CSRNP3: variants seen among roughly 807,000 people sequenced by gnomAD.
CSRNP3 encodes the protein cysteine and serine rich nuclear protein 3.
Under a neutral mutation model 48.0 loss-of-function variants are expected in CSRNP3, and 12 were observed. The observed-to-expected ratio is 0.25, with a 90% CI of 0.16 to 0.41. The LOEUF (loss-of-function observed/expected upper bound fraction) is 0.41. Ranked by LOEUF, CSRNP3 falls within the 10% of genes least tolerant of loss-of-function variation. CSRNP3 has a pLI of 1.00. For missense variants in CSRNP3, 580 were observed against 724.4 expected (o/e 0.80, Z 2.29); for synonymous variants, 263 against 269.7 (o/e 0.98, Z 0.24).
At chr2:165,569,954 G>A (rs1685346687) in intron 3 of CSRNP3, among the ~76,000 whole-genome samples, 1 of 151,476 alleles carries the variant, frequency 6.6e-6, no homozygotes. Context: ...GTTTGTCTGT[G>A]TTGTTAGAAT....
At chr2:165,568,127 A>C (rs1464443147) in intron 3 of CSRNP3, among the ~76,000 whole-genome samples, 1 of 151,654 alleles carries the variant, frequency 6.6e-6, no homozygotes, top group Non-Finnish European at 1.5e-5. Context: ...TTCCTCTCTC[A>C]CCGCCTTTAT....
Position 165,503,371 on chromosome 2 carries a change from T to G in CSRNP3, c.-113+8443T>G, listed in dbSNP as rs73027959. 3.9e-3 allele frequency among the ~76,000 whole-genome samples: 590 copies of G among 152,030 alleles called. 2 individuals are homozygous for G. The highest frequency in any genetic ancestry group is 0.013 in the African/African-American group (556 of 41,546). On this transcript the variant is annotated intron_variant, in intron 2 of 6. Transcript: ENST00000651982. The stretch of plus-strand genomic sequence containing the variant: ...TCTGTTCCTATGCTAAATTATCACA[T>G]ATAGTGTGATCATTGTTTGTGGTTT...
intron 2 of CSRNP3, among the ~76,000 whole-genome samples, chr2:165,499,204 T>G (rs1684325167): frequency 6.6e-6 from 1 of 152,148 alleles, no homozygotes; most frequent in South Asian, 2.1e-4. Context: ...TAGCTTTGGT[T>G]TGAATACCAG....
At chr2:165,591,265 G>A (rs1310352383) in intron 3 of CSRNP3, among the ~76,000 whole-genome samples, 2 of 152,324 alleles carry the variant, frequency 1.3e-5, no homozygotes, top group East Asian at 3.9e-4. Flanking sequence ...GTGGAACTTT[G>A]AACTTGAGAG....
chr2:165,590,197 T>C (rs1395880337), intron 3 of CSRNP3, among the ~76,000 whole-genome samples: 1 of 152,186 alleles, frequency 6.6e-6, no homozygotes, highest in East Asian at 1.9e-4. Flanking sequence ...AAAATCAGAG[T>C]AGAAATAGAG....
At chr2:165,668,082 T>C (rs769568656) in intron 5 of CSRNP3, among the ~76,000 whole-genome samples, 1 of 152,222 alleles carries the variant, frequency 6.6e-6, no homozygotes. Context: ...ATGCTCACAG[T>C]ATGATAGGGG....
intron 1 of CSRNP3, among the ~76,000 whole-genome samples, chr2:165,489,218 A>G (rs1285979204): frequency 2.6e-5 from 4 of 151,748 alleles, no homozygotes; most frequent in Admixed American, 2.6e-4. Context: ...ACATTCCTCA[A>G]CACATACACC....
chr2:165,672,320 A>G (rs537191048), intron 5 of CSRNP3, among the ~76,000 whole-genome samples: 19 of 152,324 alleles, frequency 1.2e-4, no homozygotes, highest in African/African-American at 4.3e-4. Context: ...TGGGTAATTT[A>G]TAAAGAAAAA....
At chr2:165,587,697 C>T (rs1173561859) in intron 3 of CSRNP3, among the ~76,000 whole-genome samples, 2 of 152,138 alleles carry the variant, frequency 1.3e-5, no homozygotes, top group African/African-American at 4.8e-5. Flanking sequence ...TGAACTAGTC[C>T]AGTGTTTTCC....
chr2:165,665,989 A>AGG (rs149578401), intron 5 of CSRNP3, among the ~76,000 whole-genome samples: 1 of 116,504 alleles, frequency 8.6e-6, no homozygotes, highest in African/African-American at 3.5e-5. Context: ...AGAAAGAGAG[A>AGG]AAGGAAGGAA....
At chr2:165,510,012 G>T (rs533270631) in intron 2 of CSRNP3, among the ~76,000 whole-genome samples, 1 of 152,158 alleles carries the variant, frequency 6.6e-6, no homozygotes, top group African/African-American at 2.4e-5. Context: ...TTCGGGTAAG[G>T]GTTTTTGGGA....
intron 3 of CSRNP3, among the ~76,000 whole-genome samples, chr2:165,548,107 T>C (rs917059426): frequency 1.3e-5 from 2 of 152,108 alleles, no homozygotes; most frequent in African/African-American, 4.8e-5. Context: ...AACTAATTTG[T>C]GGTTTGCTAA....
intron 2 of CSRNP3, among the ~76,000 whole-genome samples, chr2:165,499,031 T>A (rs372028788): frequency 5.3e-5 from 8 of 152,198 alleles, no homozygotes; most frequent in African/African-American, 1.7e-4. Flanking sequence ...TTTATAAACC[T>A]CTTGTTAGAG....
In CSRNP3 at chr2:165,679,881, G is replaced by T; in HGVS notation, c.*128G>T. On this transcript the variant is annotated 3_prime_UTR_variant, in exon 7 of 7. Coordinates refer to ENST00000651982, the MANE Select transcript of CSRNP3 (RefSeq NM_001172173.2). The stretch of plus-strand genomic sequence containing the variant: ...TGGACGGTGGTTAATCTTCCAGACT[G>T]TATTTTGTTTTTTCCTTTCTAGCCA... The T allele has an allele frequency of 7.4e-7, 1 of 1,343,030 alleles. No homozygotes were observed. The allele number at this position is 1,343,030 out of a possible 1,614,324, so 83.2% of individuals were successfully genotyped here.
intron 4 of CSRNP3, among the ~76,000 whole-genome samples, chr2:165,601,823 A>G (rs1000927814): frequency 6.6e-6 from 1 of 152,210 alleles, no homozygotes; most frequent in Admixed American, 6.5e-5. Flanking sequence ...TAAAGAATCA[A>G]TAGAAAACAG....
At position 165,514,726 on chromosome 2, in the gene CSRNP3, C is replaced by T. The variant is rs577509938; in HGVS notation, c.-112-3147C>T. On this transcript the variant is annotated intron_variant, in intron 2 of 6. Coordinates refer to ENST00000651982, the MANE Select transcript of CSRNP3 (RefSeq NM_001172173.2). The stretch of plus-strand genomic sequence containing the variant: ...CCAACTCCTCCTCCTGCTCCTTCTC[C>T]TCCTGCTCCTCCTCCTCCTTAAACA... 3.3e-5 allele frequency among the ~76,000 whole-genome samples: 5 copies of T among 152,242 alleles called. No individual in the cohort carries two copies. In the East Asian group the frequency reaches 9.7e-4, roughly 29 times the overall value.
chr2:165,613,330 A>G (rs528493543), intron 4 of CSRNP3, among the ~76,000 whole-genome samples: 1 of 152,204 alleles, frequency 6.6e-6, no homozygotes, highest in East Asian at 1.9e-4. Flanking sequence ...CTCTTGTCAG[A>G]TGAATAGTTT....
chr2:165,572,786 T>C (rs974015409), intron 3 of CSRNP3, among the ~76,000 whole-genome samples: 1 of 152,212 alleles, frequency 6.6e-6, no homozygotes, highest in African/African-American at 2.4e-5. Flanking sequence ...GATATCATTA[T>C]ATTAAACTGA....
Position 165,657,825 on chromosome 2 carries a change from C to G in CSRNP3, c.213C>G (p.Thr71=), listed in dbSNP as rs752699378. The G allele has an allele frequency of 3.1e-6, 5 of 1,613,970 alleles. No homozygotes were observed. The highest frequency in any genetic ancestry group is 3.4e-6 in the Non-Finnish European group (4 of 1,179,994). ...AGAATGTACATTTTAGTTGTGTCAC[C>G]GTGTACTACTTCACCAGGAGGCAAG... ...RTKNVHFSCV[T]VYYFTRRQGF... is the part of the protein sequence containing the mutation. The change falls in exon 5 of 7, where the codon ACC becomes ACG. Residue 71 remains threonine, a synonymous_variant. Coordinates refer to ENST00000651982, the MANE Select transcript of CSRNP3 (RefSeq NM_001172173.2).
Sources: gnomAD v4.1 joint callset for allele counts (sites outside exome capture counted in the v4.1 genomes callset) on GRCh38, gnomAD v4.1.1 for gene constraint, MANE v1.5 for transcripts, NCBI Gene and HGNC (gene_info 2026-07-23, HGNC 2026-07-21) for gene names.